SMARCA1: variants seen among roughly 807,000 people sequenced by gnomAD.
SMARCA1 encodes the protein SWI/SNF-related matrix-associated actin-dependent regulator of chromatin subfamily A member 1.
Under a neutral mutation model 93.6 loss-of-function variants are expected in SMARCA1, and 17 were observed. The observed-to-expected ratio is 0.18, with a 90% CI of 0.12 to 0.27. The LOEUF (loss-of-function observed/expected upper bound fraction) is 0.27. SMARCA1 is among the 10% of genes least tolerant of loss of function. The pLI, the probability that SMARCA1 is intolerant of heterozygous loss-of-function variation, is 1.00. For synonymous variants in SMARCA1, 271 were observed against 271.4 expected, an observed-to-expected ratio of 1.00 and a Z score of 0.01; for missense variants, 630 against 819.0, an observed-to-expected ratio of 0.77 and a Z score of 2.82.
intron 7 of SMARCA1, among the ~76,000 whole-genome samples, chrX:129,507,559 C>CCAT (rs1177127215): frequency 1.8e-5 from 2 of 112,346 alleles, no homozygotes; most frequent in African/African-American, 6.5e-5. Context: ...TCACAATGTT[C>CCAT]CATCTTTTTT....
chrX:129,453,846 C>T (rs1052537339), intron 23 of SMARCA1, among the ~76,000 whole-genome samples: 7 of 111,548 alleles, frequency 6.3e-5, no homozygotes, highest in African/African-American at 2.3e-4. Context: ...GAATCTATAT[C>T]GTGAAAATGG....
intron 5 of SMARCA1, among the ~76,000 whole-genome samples, chrX:129,515,482 T>C (rs986166037): frequency 9.0e-6 from 1 of 110,966 alleles, no homozygotes; most frequent in African/African-American, 3.3e-5. Flanking sequence ...GAGCCGAGAT[T>C]GCACCACTGC....
Position 129,518,434 on chromosome X carries a change from G to A in SMARCA1, c.188C>T (p.Ser63Leu). The change falls in exon 2 of 25, where the codon TCA becomes TTA. Residue 63 changes from serine to leucine, a missense_variant. By Grantham distance (145) the Ser-to-Leu change is moderately radical. Around this residue, in one of 4 missense-constraint regions of SMARCA1, gnomAD observed 103 missense variants for 82.0 expected, o/e 1.26. Coordinates refer to ENST00000371121, the MANE Select transcript of SMARCA1 (RefSeq NM_001282874.2). ...GEKKKEKNVS[S>L]FQLKLAAKAP... is the part of the protein sequence containing the mutation. ...TTTAGCAGCAAGTTTGAGTTGAAAT[G>A]AAGAAACGTTTTTCTAGAATTTCAA... 1 of 1,185,028 alleles carries A rather than the reference G, an allele frequency of 8.4e-7. No homozygotes were observed. The highest frequency in any genetic ancestry group is 1.1e-6 in the Non-Finnish European group (1 of 877,582).
At chrX:129,457,489 A>G (rs750457297) in intron 23 of SMARCA1, among the ~76,000 whole-genome samples, 1 of 112,426 alleles carries the variant, frequency 8.9e-6, no homozygotes, top group East Asian at 2.8e-4. Context: ...GGAGTGATGT[A>G]ATCAAAAGTG....
intron 23 of SMARCA1, among the ~76,000 whole-genome samples, chrX:129,453,412 C>T (rs1932411532): frequency 9.0e-6 from 1 of 111,720 alleles, no homozygotes; most frequent in Non-Finnish European, 1.9e-5. Flanking sequence ...TCTCTCCCCA[C>T]TCCTATTCAA....
intron 17 of SMARCA1, among the ~76,000 whole-genome samples, chrX:129,483,136 CTATT>C (rs1360039038): frequency 8.9e-6 from 1 of 112,429 alleles, no homozygotes; most frequent in African/African-American, 3.2e-5. Flanking sequence ...TATAATTTAA[CTATT>C]CATTAATTAC....
chrX:129,481,020 A>G, intron 18 of SMARCA1, 55 bp downstream of exon 18: 1 of 744,514 alleles, frequency 1.3e-6, no homozygotes, highest in African/African-American at 2.1e-5. Context: ...CCCATAGATC[A>G]TGTTGCAACA....
intron 21 of SMARCA1, among the ~76,000 whole-genome samples, chrX:129,468,329 C>A (rs1042928250): frequency 8.9e-6 from 1 of 111,937 alleles, no homozygotes; most frequent in Admixed American, 9.5e-5. Flanking sequence ...CAGGAACTCT[C>A]TGGAATAGGG....
Position 129,486,929 on chromosome X carries a change from T to C in SMARCA1, c.2217+89A>G, listed in dbSNP as rs867471986. ...TCAAATTTCACTCTAGAGCAGGGTA[T>C]TATAATAGGTAAGTGCCAGTGTTAT... is the stretch of plus-strand genomic sequence containing the variant. On this transcript the variant is annotated intron_variant, in intron 17 of 24. Transcript: ENST00000371121. 4.2e-6 allele frequency: 3 copies of C among 719,866 alleles called. No homozygotes were observed. In the South Asian group the frequency reaches 9.3e-5, roughly 22 times the overall value. The allele number at this position is 719,866 out of a possible 1,213,427, so 59.3% of individuals were successfully genotyped here.
rs763617621 is a variant in SMARCA1, at chrX:129,465,718, C to A, written c.2832G>T (p.Lys944Asn). 1 of 1,170,540 alleles carries A rather than the reference C, an allele frequency of 8.5e-7. No homozygotes were observed. Residue 944 changes from lysine to asparagine, a missense_variant, in exon 23 of 25, where the codon AAG becomes AAT. Physicochemically the swap from Lys to Asn is moderately conservative, Grantham distance 94 (BLOSUM62 0). Coordinates refer to ENST00000371121, the MANE Select transcript of SMARCA1 (RefSeq NM_001282874.2). Reference protein sequence around the residue: ...KALDAKIARYKAPFHQLRIQY... With the variant: ...KALDAKIARYNAPFHQLRIQY... ...GAATGCGCAACTGATGAAATGGAGC[C>A]TTGTATCTTGCAATCTGTGTATTTA...
chrX:129,447,382 G>T, intron 24 of SMARCA1, 149 bp from the exon 25 acceptor site: 2 of 532,238 alleles, frequency 3.8e-6, no homozygotes, highest in Non-Finnish European at 2.8e-6. Context: ...GTTCTATATA[G>T]CCCAACAAAC....
chrX:129,523,113 G>C, intron 1 of SMARCA1, 84 bp downstream of exon 1: 2 of 1,052,237 alleles, frequency 1.9e-6, no homozygotes, highest in Non-Finnish European at 2.6e-6. Context: ...GGTACCTGTC[G>C]GCGCCGAAAG....
At chrX:129,457,557 A>G (rs1295670677) in intron 23 of SMARCA1, among the ~76,000 whole-genome samples, 1 of 112,346 alleles carries the variant, frequency 8.9e-6, no homozygotes, top group African/African-American at 3.2e-5. Context: ...TAAACTCGCA[A>G]GATGAGAAAG....
chrX:129,481,129 T>C lies in SMARCA1; in HGVS notation c.2274A>G (p.Ala758=), dbSNP rs759458210. The change falls in exon 18 of 25, where the codon GCA becomes GCG. Residue 758 remains alanine (A), a synonymous_variant. Transcript: ENST00000371121. The part of the protein sequence containing the change: ...PPKRERKANY[A]VDAYFREALR... Reference sequence around the variant, plus strand: ...AAGCCTCTCTAAAGTAGGCATCCACTGCGTAGTTTGCTTTGCGTTCTCGTT... The same window carrying C: ...AAGCCTCTCTAAAGTAGGCATCCACCGCGTAGTTTGCTTTGCGTTCTCGTT... 1.7e-6 allele frequency: 2 copies of C among 1,208,264 alleles called. No homozygotes were observed. The highest frequency in any genetic ancestry group is 3.5e-5 in the South Asian group (2 of 56,610).
In SMARCA1 at chrX:129,481,085, T is replaced by C; in HGVS notation, c.2318A>G (p.Lys773Arg). Residue 773 changes from lysine to arginine, a missense_variant, in exon 18 of 25, where the codon AAG (lysine) becomes AGG (arginine). Physicochemically the swap from Lys to Arg is conservative, Grantham distance 26. This residue lies in a region of SMARCA1 where 382 missense variants were observed against 537.9 expected (regional missense o/e 0.71). Transcript: ENST00000371121. ...FREALRVSEP[K>R]IPKAPRPPKQ... ...CTTGTACAGTTTTACCTTTGGAATC[T>C]TTGGCTCGCTGACACGCAAAGCCTC... 8.4e-7 allele frequency: 1 copy of C among 1,193,647 alleles called. No individual in the cohort carries two copies. The highest frequency in any genetic ancestry group is 1.1e-6 in the Non-Finnish European group (1 of 880,684).
At position 129,490,168 on chromosome X, in the gene SMARCA1, T is replaced by C. The variant is rs150411843; in HGVS notation, c.1840A>G (p.Lys614Glu). 1 of 1,192,823 alleles carries C rather than the reference T, an allele frequency of 8.4e-7. No homozygotes were observed. The highest frequency in any genetic ancestry group is 1.7e-5 in the African/African-American group (1 of 57,526). The change falls in exon 15 of 25, where the codon AAG becomes GAG. Residue 614 changes from lysine to glutamate, a missense_variant. Lys to Glu is a moderately conservative substitution (Grantham distance 56). This residue lies in a region of SMARCA1 where 382 missense variants were observed against 537.9 expected (regional missense o/e 0.71). Coordinates refer to ENST00000371121, the MANE Select transcript of SMARCA1 (RefSeq NM_001282874.2). ...AGACGGAATACACGTACTGGTTTCT[T>C]CTGACCAATACGATGTGCTCGATCC... ...AMDRAHRIGQ[K>E]KPVRVFRLIT...
At chrX:129,508,378 G>C (rs774232611) in intron 6 of SMARCA1, among the ~76,000 whole-genome samples, 20 of 112,079 alleles carry the variant, frequency 1.8e-4, no homozygotes, top group Non-Finnish European at 1.9e-5. Context: ...CGTATGACCA[G>C]AAATCACAAA....
chrX:129,512,485 C>G, intron 5 of SMARCA1, among the ~76,000 whole-genome samples: 1 of 111,423 alleles, frequency 9.0e-6, no homozygotes, highest in East Asian at 2.8e-4. Context: ...TCTTAAGAAC[C>G]TTAGGAACCA....
At position 129,504,690 on chromosome X, in the gene SMARCA1, G is replaced by C. The variant is rs772919514; in HGVS notation, c.1167+44C>G. The C allele has an allele frequency of 2.0e-5, 18 of 913,726 alleles. No individual in the cohort carries two copies. In the South Asian group the frequency reaches 3.2e-4, roughly 16 times the overall value. The allele number at this position is 913,726 out of a possible 1,213,427, so 75.3% of individuals were successfully genotyped here. On this transcript the variant is annotated intron_variant, in intron 9 of 24. Coordinates refer to ENST00000371121, the MANE Select transcript of SMARCA1 (RefSeq NM_001282874.2). ...CATTTTGTTTTCTGGGTCAGTTTGTGTATACTATTTAATTACTGAATGTTC... is the reference window on the plus strand; with the variant it reads ...CATTTTGTTTTCTGGGTCAGTTTGTCTATACTATTTAATTACTGAATGTTC...
Sources: gnomAD v4.1 joint callset for allele counts (sites outside exome capture counted in the v4.1 genomes callset) on GRCh38, gnomAD v4.1.1 for gene constraint, gnomAD v4.1.1 regional missense constraint, MANE v1.5 for transcripts, NCBI Gene and HGNC (gene_info 2026-07-23, HGNC 2026-07-21) for gene names.